MAP3K15: variants seen among roughly 807,000 people sequenced by gnomAD.
MAP3K15 encodes mitogen-activated protein kinase kinase kinase 15, also known as MAPK/ERK kinase kinase 15.
A neutral mutation model predicts 99.5 loss-of-function variants in MAP3K15; 124 were observed. That is an observed-to-expected ratio of 1.25 (90% confidence interval 1.08 to 1.45). The LOEUF is 1.45. MAP3K15 is among the 40% of genes most tolerant of loss of function. The probability of loss-of-function intolerance (pLI) is 0.00; values close to 1 mark genes in which losing one functional copy is unlikely to be tolerated. For synonymous variants in MAP3K15, 494 were observed against 439.6 expected, an observed-to-expected ratio of 1.12 and a Z score of -1.55; for missense variants, 1,242 against 1,079.7, an observed-to-expected ratio of 1.15 and a Z score of -2.11.
intron 6 of MAP3K15, among the ~76,000 whole-genome samples, chrX:19,438,547 C>T (rs2063938088): frequency 8.9e-6 from 1 of 112,312 alleles, no homozygotes; most frequent in African/African-American, 3.2e-5. Flanking sequence ...CTCAGTCCTT[C>T]ACCTGAAGTG....
chrX:19,497,703 T>C, intron 1 of MAP3K15: 1 of 111,410 alleles, frequency 9.0e-6, no homozygotes, highest in Non-Finnish European at 1.9e-5. Context: ...ACAAGGTATC[T>C]TGTATGGCTA....
intron 9 of MAP3K15, among the ~76,000 whole-genome samples, chrX:19,419,706 A>C (rs1216371757): frequency 9.0e-6 from 1 of 111,545 alleles, no homozygotes; most frequent in Non-Finnish European, 1.9e-5. Context: ...ACATCTACAG[A>C]ACTCTCCACC....
chrX:19,365,059 C>T (rs747877838), intron 25 of MAP3K15, among the ~76,000 whole-genome samples: 14 of 109,611 alleles, frequency 1.3e-4, no homozygotes, highest in Non-Finnish European at 2.7e-4. Flanking sequence ...CAAAAATCAG[C>T]CAGTTGTGGT....
intron 3 of MAP3K15, among the ~76,000 whole-genome samples, chrX:19,480,890 A>C (rs2064284613): frequency 9.3e-6 from 1 of 107,503 alleles, no homozygotes; most frequent in South Asian, 4.1e-4. Flanking sequence ...TGAGGTGGGC[A>C]GACTGCTCGA....
chrX:19,403,287 T>G (rs764114506), intron 13 of MAP3K15, among the ~76,000 whole-genome samples: 1 of 111,019 alleles, frequency 9.0e-6, no homozygotes, highest in South Asian at 3.8e-4. Context: ...GAGTACTGAA[T>G]GAGGGTCAAA....
chrX:19,497,879 G>A (rs184173468), intron 1 of MAP3K15, among the ~76,000 whole-genome samples: 1 of 111,339 alleles, frequency 9.0e-6, no homozygotes, highest in East Asian at 2.8e-4. Context: ...ACAGGACAAG[G>A]AATGGGGTTA....
chrX:19,493,990 G>C (rs2064384453), intron 1 of MAP3K15, among the ~76,000 whole-genome samples: 1 of 110,930 alleles, frequency 9.0e-6, no homozygotes, highest in Non-Finnish European at 1.9e-5. Context: ...AAAAGGAAGA[G>C]ATAAAATTCA....
At chrX:19,444,553 A>C (rs1188584206) in intron 6 of MAP3K15, among the ~76,000 whole-genome samples, 1 of 112,082 alleles carries the variant, frequency 8.9e-6, no homozygotes, top group Non-Finnish European at 1.9e-5. Context: ...TATCTCAAGG[A>C]AAAATCTTCA....
chrX:19,440,899 G>A (rs751809303), intron 6 of MAP3K15, among the ~76,000 whole-genome samples: 84 of 112,478 alleles, frequency 7.5e-4, no homozygotes, highest in Non-Finnish European at 1.2e-3. Flanking sequence ...ATTAGGACAC[G>A]AGACTGACTT....
intron 3 of MAP3K15, among the ~76,000 whole-genome samples, chrX:19,477,014 T>C (rs2064247465): frequency 8.9e-6 from 1 of 111,886 alleles, no homozygotes; most frequent in South Asian, 3.8e-4. Context: ...AACTGCCACT[T>C]CTGCTTAATT....
At chrX:19,391,401 C>T (rs192350229) in intron 18 of MAP3K15, among the ~76,000 whole-genome samples, 13 of 110,977 alleles carry the variant, frequency 1.2e-4, no homozygotes, top group African/African-American at 3.3e-4. Context: ...AGGCCAGGCG[C>T]GGTGGCTCAC....
chrX:19,444,390 C>G (rs1372360435), intron 6 of MAP3K15, among the ~76,000 whole-genome samples: 2 of 111,644 alleles, frequency 1.8e-5, no homozygotes, highest in African/African-American at 6.5e-5. Flanking sequence ...TTTCTCTCTA[C>G]AGTGATTCTC....
rs1198750897 is a variant in MAP3K15 at position 19,372,733 on chromosome X, C to T, written c.3028G>A (p.Glu1010Lys). 1 of 1,211,850 alleles carries T rather than the reference C, an allele frequency of 8.3e-7. No homozygotes were observed. The highest frequency in any genetic ancestry group is 2.2e-5 in the Admixed American group (1 of 46,053). ...QGLFLLRKDS[E>K]RRAILYKILW... ...ATTTTGTACAGGATGGCACGGCGCTCACTGTCCTTGCGTAGCAGGAAGAGG... is the reference window on the plus strand; with the variant it reads ...ATTTTGTACAGGATGGCACGGCGCTTACTGTCCTTGCGTAGCAGGAAGAGG... Residue 1010 changes from glutamate to lysine, a missense_variant, in exon 22 of 29, where the codon GAG becomes AAG. Glu to Lys is a moderately conservative substitution (Grantham distance 56, BLOSUM62 1). Transcript: ENST00000338883.
chrX:19,428,179 G>C (rs1456157681), intron 7 of MAP3K15, among the ~76,000 whole-genome samples: 2 of 111,555 alleles, frequency 1.8e-5, no homozygotes, highest in Non-Finnish European at 3.8e-5. Flanking sequence ...GTCTGCACTG[G>C]AGAGTGTGGG....
chrX:19,372,849 A>C (rs757381309), intron 21 of MAP3K15, 22 bp from the exon 22 acceptor site: 17 of 1,195,114 alleles, frequency 1.4e-5, no homozygotes, highest in Non-Finnish European at 1.6e-5. Context: ...CACGTGTGAC[A>C]ATCTCTGTGC....
chrX:19,417,670 G>C (rs781780673), intron 9 of MAP3K15, among the ~76,000 whole-genome samples: 2 of 111,696 alleles, frequency 1.8e-5, no homozygotes, highest in Non-Finnish European at 3.8e-5. Context: ...TAAATGTCCC[G>C]GTCTGACAGC....
rs748225942 is a variant in MAP3K15 at position 19,438,338 on chromosome X, G to A, written c.996-6730C>T. On this transcript the variant is annotated intron_variant, in intron 6 of 28. Transcript: ENST00000338883. ...GCCCAGGCTGATCTCAAACTCCTAGGCTCAAGTGATCCTCTCGCCTTGGCC... is the reference window on the plus strand; with the variant it reads ...GCCCAGGCTGATCTCAAACTCCTAGACTCAAGTGATCCTCTCGCCTTGGCC... Among the ~76,000 whole-genome samples, 56 of 111,561 alleles carry A rather than the reference G, an allele frequency of 5.0e-4. 1 individual carries two copies. Among genetic ancestry groups the A allele is most frequent in the African/African-American group, 8.8e-4 (27 of 30,709 alleles).
chrX:19,495,008 A>C (rs1355984570), intron 1 of MAP3K15, among the ~76,000 whole-genome samples: 1 of 110,080 alleles, frequency 9.1e-6, no homozygotes, highest in African/African-American at 3.3e-5. Context: ...GAAAGTTGTG[A>C]AGTGTTTTGT....
chrX:19,395,493 T>C (rs1056578720), intron 15 of MAP3K15, among the ~76,000 whole-genome samples: 1 of 111,593 alleles, frequency 9.0e-6, no homozygotes, highest in Non-Finnish European at 1.9e-5. Flanking sequence ...GTTACTACTG[T>C]TATTTTTCGG....
Sources: allele counts gnomAD v4.1 joint callset (sites outside exome capture counted in the v4.1 genomes callset), GRCh38; gene constraint gnomAD v4.1.1; transcripts MANE v1.5; gene names NCBI Gene and HGNC (gene_info 2026-07-23, HGNC 2026-07-21).